Variants in TDRD1 observed in about 807,000 individuals in gnomAD.
The protein encoded by TDRD1 is tudor domain-containing protein 1.
Under a neutral mutation model 140.6 loss-of-function variants are expected in TDRD1, and 37 were observed. That is an observed-to-expected ratio of 0.26 (90% CI 0.20 to 0.35). TDRD1 has a LOEUF of 0.35. Among genes scored for constraint, TDRD1 ranks in the 10% least tolerant of loss-of-function variants. The probability of loss-of-function intolerance (pLI) is 1.00; values close to 1 mark genes in which losing one functional copy is unlikely to be tolerated. For missense variants in TDRD1, 1,243 were observed against 1,393.0 expected (o/e 0.89, Z 1.71); for synonymous variants, 506 against 475.7 (o/e 1.06, Z -0.83).
At chr10:114,217,349 A>AT (rs376463454) in intron 16 of TDRD1, among the ~76,000 whole-genome samples, 196 bp from the exon 17 acceptor site, 22 of 152,284 alleles carry the variant, frequency 1.4e-4, no homozygotes, top group African/African-American at 5.1e-4. Context: ...TGTTGGGTTT[A>AT]TTGAAAGTAT....
At position 114,187,897 on chromosome 10, in the gene TDRD1, G is replaced by A. The variant is rs1239317667; in HGVS notation, c.66G>A (p.Met22Ile). 6 of 1,612,308 alleles carry A rather than the reference G, an allele frequency of 3.7e-6. No individual in the cohort carries two copies. The highest frequency in any genetic ancestry group is 1.6e-4 in the Middle Eastern group (1 of 6,062). Residue 22 changes from methionine (M) to isoleucine (I), a missense_variant, in exon 2 of 26, where the codon ATG becomes ATA. Met to Ile is a conservative substitution (Grantham distance 10, BLOSUM62 1). Around this residue, in one of 5 missense-constraint regions of TDRD1, gnomAD observed 237 missense variants for 215.5 expected, o/e 1.10. Coordinates refer to ENST00000251864, the Ensembl canonical transcript of TDRD1. ...ATTTGGAAGCACCTCCTTGTAAGAT[G>A]ACAGAGCCATTTAATTTTGAGAAAA... is the stretch of plus-strand genomic sequence containing the variant.
intron 1 of TDRD1, among the ~76,000 whole-genome samples, chr10:114,187,051 C>T (rs1564932122): frequency 1.3e-5 from 2 of 152,170 alleles, no homozygotes; most frequent in African/African-American, 4.8e-5. Flanking sequence ...TTCCCCTGGG[C>T]AGGGCACTTA....
intron 21 of TDRD1, among the ~76,000 whole-genome samples, chr10:114,224,798 G>A (rs1450277569): frequency 2.0e-5 from 3 of 152,072 alleles, no homozygotes; most frequent in East Asian, 3.9e-4. Context: ...TTCCTCCTTG[G>A]TTTTCTGCCT....
chr10:114,175,832 GC>G (rs2032682743), upstream of TDRD1, among the ~76,000 whole-genome samples: 2 of 152,136 alleles, frequency 1.3e-5, no homozygotes, highest in African/African-American at 4.8e-5. Context: ...ATCAGTGAGT[GC>G]ATTTATTTTT....
At chr10:114,197,444 C>T (rs1451515912) in intron 3 of TDRD1, among the ~76,000 whole-genome samples, 2 of 152,078 alleles carry the variant, frequency 1.3e-5, no homozygotes, top group African/African-American at 2.4e-5. Context: ...TAGGGAGACT[C>T]CCTATTCATT....
chr10:114,183,793 C>CA (rs1395351095), intron 1 of TDRD1, among the ~76,000 whole-genome samples: 2 of 151,492 alleles, frequency 1.3e-5, no homozygotes, highest in Admixed American at 1.3e-4. Context: ...CTCTGCCTCC[C>CA]AGATTCTAGG....
chr10:114,190,323 T>C (rs931985530), intron 2 of TDRD1, among the ~76,000 whole-genome samples: 1 of 152,200 alleles, frequency 6.6e-6, no homozygotes, highest in Non-Finnish European at 1.5e-5. Flanking sequence ...TAAATATTGA[T>C]TGAAATAAGC....
chr10:114,188,184 T>A, intron 2 of TDRD1, 28 bp downstream of exon 2: 1 of 1,533,522 alleles, frequency 6.5e-7, no homozygotes, highest in East Asian at 2.3e-5. Context: ...GCTTCCTACT[T>A]CTTCATTCTC....
Position 114,182,980 on chromosome 10 carries a change from G to A in TDRD1, c.-7+3564G>A, listed in dbSNP as rs536495719. 3.3e-5 allele frequency among the ~76,000 whole-genome samples: 5 copies of A among 152,200 alleles called. No individual in the cohort carries two copies. The South Asian group carries it at 8.3e-4, about 25-fold the overall frequency. The stretch of plus-strand genomic sequence containing the variant: ...ATTACAGGTGTGAGCCACCGCTCCC[G>A]GCCAATCATACGAATATCTTTTGAA... On this transcript the variant is annotated intron_variant, in intron 1 of 25. Transcript: ENST00000251864.
intron 21 of TDRD1, among the ~76,000 whole-genome samples, chr10:114,223,813 C>T (rs1195990027): frequency 1.3e-5 from 2 of 152,148 alleles, no homozygotes; most frequent in Non-Finnish European, 2.9e-5. Context: ...GTGCAAATTC[C>T]CTCAAAGAAC....
chr10:114,220,568 A>G (rs1365500105), exon 19 of TDRD1: 1 of 1,609,982 alleles, frequency 6.2e-7, no homozygotes, highest in Non-Finnish European at 8.5e-7. Context: ...TATTTTCTAG[A>G]TATACAGTCT....
intron 18 of TDRD1, among the ~76,000 whole-genome samples, chr10:114,219,644 A>G (rs1213404351): frequency 1.4e-5 from 2 of 146,208 alleles, no homozygotes; most frequent in African/African-American, 2.7e-5. Context: ...CTGGAGTGCA[A>G]TGGCACAATC....
At position 114,204,069 on chromosome 10, in the gene TDRD1, T is replaced by C; in HGVS notation, c.982-4T>C. The C allele has an allele frequency of 6.3e-7, 1 of 1,598,810 alleles. No individual in the cohort carries two copies. The highest frequency in any genetic ancestry group is 8.5e-7 in the Non-Finnish European group (1 of 1,176,544). Reference sequence around the variant, plus strand: ...AGCAGAGTACCATTATATTTCACTTTCAGACCTGGAACAGAGCAATCATAC... The same window carrying C: ...AGCAGAGTACCATTATATTTCACTTCCAGACCTGGAACAGAGCAATCATAC... On this transcript the variant is annotated splice_polypyrimidine_tract_variant and splice_region_variant and intron_variant, in intron 8 of 25. Coordinates refer to ENST00000251864, the Ensembl canonical transcript of TDRD1.
chr10:114,229,803 CTATATA>C (rs201590552), intron 25 of TDRD1, among the ~76,000 whole-genome samples: 1 of 144,284 alleles, frequency 6.9e-6, no homozygotes, highest in Non-Finnish European at 1.5e-5. Flanking sequence ...TATCAAGTCA[CTATATA>C]TATATATATT....
At chr10:114,175,154 T>TA (rs1344349541), upstream of TDRD1, among the ~76,000 whole-genome samples, 1 of 152,198 alleles carries the variant, frequency 6.6e-6, no homozygotes, top group East Asian at 1.9e-4. Context: ...ATTTTGCAGT[T>TA]AAAGTGTCTT....
exon 4 of TDRD1, chr10:114,199,306 G>C: frequency 6.2e-7 from 1 of 1,606,558 alleles, no homozygotes; most frequent in South Asian, 1.1e-5. Flanking sequence ...TGCCATCGCT[G>C]TGGCCTATTT....
upstream of TDRD1, among the ~76,000 whole-genome samples, chr10:114,177,536 G>A (rs903833124): frequency 1.3e-5 from 2 of 152,150 alleles, no homozygotes; most frequent in African/African-American, 4.8e-5. Context: ...CTGGAAACTT[G>A]ACATCAAGGT....
At chr10:114,229,962 C>G (rs913617663) in intron 25 of TDRD1, among the ~76,000 whole-genome samples, 1 of 152,070 alleles carries the variant, frequency 6.6e-6, no homozygotes, top group Non-Finnish European at 1.5e-5. Flanking sequence ...TCCCAAGTAG[C>G]TGGGACTATA....
chr10:114,199,312 T>G, exon 4 of TDRD1: 1 of 1,601,586 alleles, frequency 6.2e-7, no homozygotes, highest in Non-Finnish European at 8.5e-7. Context: ...CGCTGTGGCC[T>G]ATTTGGTAAG....
Sources: allele counts gnomAD v4.1 joint callset (sites outside exome capture counted in the v4.1 genomes callset), GRCh38; gene constraint gnomAD v4.1.1; regional missense constraint gnomAD v4.1.1; transcripts MANE v1.5; gene names NCBI Gene and HGNC (gene_info 2026-07-23, HGNC 2026-07-21).